Variants in SNAP47 observed in about 807,000 individuals in gnomAD.
SNAP47 encodes synaptosome associated protein 47.
Under a neutral mutation model 31.4 loss-of-function variants are expected in SNAP47, and 20 were observed. The ratio of observed to expected loss-of-function variants is 0.64; its 90% CI spans 0.45 to 0.93. The LOEUF is 0.93. Among genes scored for constraint, SNAP47 ranks in the 40% least tolerant of loss-of-function variants. SNAP47 has a pLI of 0.00. For synonymous variants in SNAP47, 194 were observed against 213.4 expected (o/e 0.91, Z 0.79); for missense variants, 492 against 528.5 (o/e 0.93, Z 0.68).
At chr1:227,733,264 A>T (rs547648599), upstream of SNAP47, 5 of 917,312 alleles carry the variant, frequency 5.5e-6, no homozygotes, top group East Asian at 1.3e-4. Context: ...AACAGAGGCT[A>T]GGCCTCAGCG....
upstream of SNAP47, chr1:227,733,247 TG>T: frequency 1.1e-6 from 1 of 884,360 alleles, no homozygotes; most frequent in Non-Finnish European, 1.7e-6. Context: ...GGACCGGCAG[TG>T]GGTGAAACAG....
Position 227,759,259 on chromosome 1 carries a change from C to G in SNAP47, c.762C>G (p.Asp254Glu), listed in dbSNP as rs776593806. 8.7e-6 allele frequency: 14 copies of G among 1,614,060 alleles called. No individual in the cohort carries two copies. Among genetic ancestry groups the G allele is most frequent in the Non-Finnish European group, 1.0e-5 (12 of 1,180,048 alleles). Reference protein sequence around the residue: ...SLLMHRFEREDVDDIKVHSPY... With the variant: ...SLLMHRFEREEVDDIKVHSPY... Reference sequence around the variant, plus strand: ...TCATGCACAGGTTTGAAAGAGAAGACGTGGACGACATCAAGGTCCACTCAC... The same window carrying G: ...TCATGCACAGGTTTGAAAGAGAAGAGGTGGACGACATCAAGGTCCACTCAC... The change falls in exon 3 of 5, where the codon GAC becomes GAG. Residue 254 changes from aspartate to glutamate, a missense_variant. Coordinates refer to ENST00000617596, the MANE Select transcript of SNAP47 (RefSeq NM_053052.4).
At chr1:227,771,533 T>C (rs1426412829) in intron 4 of SNAP47, among the ~76,000 whole-genome samples, 1 of 152,080 alleles carries the variant, frequency 6.6e-6, no homozygotes, top group African/African-American at 2.4e-5. Context: ...AACTCAGACT[T>C]ATGGCAGCTG....
intron 1 of SNAP47, among the ~76,000 whole-genome samples, chr1:227,740,638 C>G (rs1661526641): frequency 6.6e-6 from 1 of 152,184 alleles, no homozygotes; most frequent in East Asian, 1.9e-4. Flanking sequence ...CACCTTCCCC[C>G]AAGTGTGTTG....
intron 3 of SNAP47, among the ~76,000 whole-genome samples, chr1:227,761,077 G>A (rs1185319778): frequency 5.3e-5 from 8 of 152,172 alleles, no homozygotes; most frequent in East Asian, 1.9e-4. Context: ...TGACATGTAC[G>A]TCCACACTAT....
intron 4 of SNAP47, among the ~76,000 whole-genome samples, chr1:227,772,899 A>G (rs1343644506): frequency 2.0e-5 from 3 of 152,114 alleles, no homozygotes; most frequent in Non-Finnish European, 4.4e-5. Context: ...CTGGTTTCTC[A>G]CTTAATTCCA....
At chr1:227,732,532 C>T (rs1160033054), upstream of SNAP47, 1 of 1,613,410 alleles carries the variant, frequency 6.2e-7, no homozygotes, top group Non-Finnish European at 8.5e-7. Context: ...ATGCGCCCAA[C>T]ATCAAAGGCT....
At chr1:227,736,686 G>GTTTTTTTTTTTTTTTTTT (rs112159513) in intron 1 of SNAP47, among the ~76,000 whole-genome samples, 3 of 110,922 alleles carry the variant, frequency 2.7e-5, no homozygotes, top group African/African-American at 7.1e-5. Flanking sequence ...TTTTGTTTTT[G>GTTTTTTTTTTTTTTTTTT]TTTTTTTTTT....
chr1:227,752,275 C>T (rs1263924479), intron 2 of SNAP47, among the ~76,000 whole-genome samples: 1 of 152,062 alleles, frequency 6.6e-6, no homozygotes, highest in African/African-American at 2.4e-5. Flanking sequence ...ATGTTAAGAA[C>T]ACCTAAGATC....
chr1:227,773,288 GTAAA>G (rs1663943224), intron 4 of SNAP47, among the ~76,000 whole-genome samples: 1 of 151,886 alleles, frequency 6.6e-6, no homozygotes, highest in Non-Finnish European at 1.5e-5. Flanking sequence ...AGTTTCAAAA[GTAAA>G]AAATAAAATA....
At chr1:227,728,540 T>A, upstream of SNAP47, 1 of 105,050 alleles carries the variant, frequency 9.5e-6, no homozygotes, top group Non-Finnish European at 2.0e-5. Context: ...GCCCCTGCCC[T>A]CTCGATCCAG....
rs143073539 is a variant in SNAP47 at position 227,759,338 on chromosome 1, C to G, written c.841C>G (p.Arg281Gly). The G allele has an allele frequency of 1.9e-6, 3 of 1,614,236 alleles. No homozygotes were observed. The highest frequency in any genetic ancestry group is 2.5e-6 in the Non-Finnish European group (3 of 1,180,048). ...TATTGGAAAGCCAGACATGGCCTAT[C>G]GTTTGATATCTGCCAAGATGCCAGA... Reference protein sequence around the residue: ...RFIGKPDMAYRLISAKMPEVI... With the variant: ...RFIGKPDMAYGLISAKMPEVI... Residue 281 changes from arginine to glycine, a missense_variant, in exon 3 of 5, where the codon CGT becomes GGT. Arg to Gly is a moderately radical substitution (Grantham distance 125). Transcript: ENST00000617596.
At chr1:227,736,575 G>T (rs968441208) in intron 1 of SNAP47, 1 of 119,178 alleles carries the variant, frequency 8.4e-6, no homozygotes, top group Admixed American at 1.2e-4. Context: ...GCTTACTGCA[G>T]CTTCCACCTC....
chr1:227,772,435 C>G (rs1074704), intron 4 of SNAP47, among the ~76,000 whole-genome samples: 23,640 of 151,122 alleles, frequency 0.16, 2,149 homozygotes, highest in Middle Eastern at 0.3. Context: ...TCCTTTTGTG[C>G]CTGCCTTATT....
At chr1:227,748,463 A>C (rs1372298196) in intron 2 of SNAP47, among the ~76,000 whole-genome samples, 1 of 152,224 alleles carries the variant, frequency 6.6e-6, no homozygotes, top group African/African-American at 2.4e-5. Context: ...ACACCGTGAG[A>C]TCTGAGTGAG....
At chr1:227,733,223 G>A (rs945066603), upstream of SNAP47, 5 of 848,136 alleles carry the variant, frequency 5.9e-6, no homozygotes, top group Admixed American at 1.2e-4. Flanking sequence ...TGAACCCAGA[G>A]CAAGTAGACC....
In SNAP47 at chr1:227,762,905, C is replaced by T. The variant is rs1663155189; in HGVS notation, c.988+3420C>T. On this transcript the variant is annotated intron_variant, in intron 3 of 4. Coordinates refer to ENST00000617596, the MANE Select transcript of SNAP47 (RefSeq NM_053052.4). This position sits in a 1 kb window ranked among gnomAD's most constrained non-coding sequence, Gnocchi z 4.2. ...GGAGGAAGGCCACAGGGTGAGGTTTCCTTCCCACACATCCTACCAAGGGAC... is the reference window on the plus strand; with the variant it reads ...GGAGGAAGGCCACAGGGTGAGGTTTTCTTCCCACACATCCTACCAAGGGAC... Among the ~76,000 whole-genome samples the T allele has an allele frequency of 6.6e-6, 1 of 152,164 alleles. No individual in the cohort carries two copies. The highest frequency in any genetic ancestry group is 2.1e-4 in the South Asian group (1 of 4,824).
At position 227,741,955 on chromosome 1, in the gene SNAP47, G is replaced by A. The variant is rs1291845601; in HGVS notation, c.-45-5737G>A. Among the ~76,000 whole-genome samples, 2 of 152,056 alleles carry A rather than the reference G, an allele frequency of 1.3e-5. No individual in the cohort carries two copies. The highest frequency in any genetic ancestry group is 2.1e-4 in the South Asian group (1 of 4,818). ...TTTCCTTATATTTATTGTTTAAAATGTGATAATGAGAAGAGCCTTGGTTAT... is the reference window on the plus strand; with the variant it reads ...TTTCCTTATATTTATTGTTTAAAATATGATAATGAGAAGAGCCTTGGTTAT... On this transcript the variant is annotated intron_variant, in intron 1 of 4. Coordinates refer to ENST00000617596, the MANE Select transcript of SNAP47 (RefSeq NM_053052.4). The surrounding 1 kb of genome is among the most constrained non-coding windows in gnomAD (Gnocchi z 4.2).
chr1:227,730,750 C>CTGCG (rs1334477260), upstream of SNAP47: 1 of 152,328 alleles, frequency 6.6e-6, no homozygotes, highest in Non-Finnish European at 1.5e-5. Context: ...TGGTAATGGG[C>CTGCG]TGCGACCTGT....
Sources: allele counts gnomAD v4.1 joint callset (sites outside exome capture counted in the v4.1 genomes callset), GRCh38; gene constraint gnomAD v4.1.1; non-coding constraint Gnocchi (gnomAD v3.1); transcripts MANE v1.5; gene names NCBI Gene and HGNC (gene_info 2026-07-23, HGNC 2026-07-21).